The following POLK variants were observed in gnomAD, a reference collection of about 807,000 sequenced individuals.
POLK encodes the protein DNA polymerase kappa.
In POLK, 76 loss-of-function variants were observed where a neutral mutation model predicts 94.0. The observed-to-expected ratio is 0.81, with a 90% confidence interval of 0.67 to 0.98. POLK has a LOEUF of 0.98. Among genes scored for constraint, POLK ranks in the 50% least tolerant of loss-of-function variants. The probability of loss-of-function intolerance (pLI) is 0.00; values close to 1 mark genes in which losing one functional copy is unlikely to be tolerated. For synonymous variants in POLK, 349 were observed against 325.4 expected, an observed-to-expected ratio of 1.07 and a Z score of -0.78; for missense variants, 954 against 1,010.1, an observed-to-expected ratio of 0.94 and a Z score of 0.75.
chr5:75,574,798 A>G (rs1771782871), intron 5 of POLK, among the ~76,000 whole-genome samples: 1 of 152,182 alleles, frequency 6.6e-6, no homozygotes, highest in Admixed American at 6.6e-5. Flanking sequence ...GTGGTGGAGG[A>G]GAGGGGAGCA....
intron 3 of POLK, among the ~76,000 whole-genome samples, chr5:75,553,573 A>G (rs1270933519): frequency 6.6e-6 from 1 of 152,154 alleles, no homozygotes; most frequent in Non-Finnish European, 1.5e-5. Flanking sequence ...TTAATGCTTC[A>G]CAGCATTCCA....
At chr5:75,600,254 G>T (rs1773267444) in exon 15 of POLK, 3 of 152,064 alleles carry the variant, frequency 2.0e-5, no homozygotes, top group African/African-American at 7.2e-5. Context: ...TAATATTTGA[G>T]AAGTAAAAAA....
chr5:75,549,167 T>G (rs1561360343), intron 2 of POLK, among the ~76,000 whole-genome samples: 1 of 152,120 alleles, frequency 6.6e-6, no homozygotes, highest in Non-Finnish European at 1.5e-5. Context: ...ATCATAAAAA[T>G]GTTCAAAAAG....
intron 2 of POLK, among the ~76,000 whole-genome samples, chr5:75,550,180 A>G (rs1167749906): frequency 6.6e-6 from 1 of 152,242 alleles, no homozygotes; most frequent in African/African-American, 2.4e-5. Flanking sequence ...ATACATCATT[A>G]TGAATGCAAA....
At chr5:75,541,071 G>T (rs1010797443) in intron 1 of POLK, among the ~76,000 whole-genome samples, 20 of 152,198 alleles carry the variant, frequency 1.3e-4, no homozygotes, top group African/African-American at 4.8e-4. Flanking sequence ...ATTACCTGAG[G>T]TCAGGAGTTT....
At chr5:75,531,918 A>G (rs373815548) in intron 1 of POLK, among the ~76,000 whole-genome samples, 105 of 152,238 alleles carry the variant, frequency 6.9e-4, no homozygotes, top group African/African-American at 2.4e-3. Flanking sequence ...CTAGGGCAGT[A>G]TTCTTATTTG....
exon 15 of POLK, chr5:75,598,114 G>A (rs1773188523): frequency 3.8e-6 from 2 of 522,724 alleles, no homozygotes; most frequent in Middle Eastern, 5.3e-4. Context: ...GATTTATTTA[G>A]TGAAGGCAAG....
intron 1 of POLK, among the ~76,000 whole-genome samples, chr5:75,520,349 ATCC>A (rs1768514147): frequency 6.6e-6 from 1 of 152,206 alleles, no homozygotes; most frequent in Non-Finnish European, 1.5e-5. Context: ...GTATTAGAGC[ATCC>A]TGGGTTTATC....
At position 75,597,930 on chromosome 5, in the gene POLK, C is replaced by T; in HGVS notation, c.2529-4C>T. On this transcript the variant is annotated splice_region_variant and splice_polypyrimidine_tract_variant and intron_variant, in intron 14 of 14. Transcript: ENST00000241436. ...TTTTAATTGTGTGTTCCTTTTCATT[C>T]TAGGCCAGGATTGATGACAAAGTAC... The T allele has an allele frequency of 6.9e-7, 1 of 1,439,782 alleles. No individual in the cohort carries two copies. The highest frequency in any genetic ancestry group is 9.3e-7 in the Non-Finnish European group (1 of 1,070,404). The allele number at this position is 1,439,782 out of a possible 1,614,324, so 89.2% of individuals were successfully genotyped here. A position where few individuals can be genotyped will look rare whatever the true frequency, so the allele number is the denominator to read the frequency against.
At chr5:75,548,842 G>A (rs893319238) in intron 2 of POLK, among the ~76,000 whole-genome samples, 1 of 151,930 alleles carries the variant, frequency 6.6e-6, no homozygotes, top group African/African-American at 2.4e-5. Context: ...GGGTATATAG[G>A]TGTTCGTTGT....
chr5:75,556,854 G>A (rs1770648755), intron 3 of POLK, among the ~76,000 whole-genome samples: 1 of 152,068 alleles, frequency 6.6e-6, no homozygotes, highest in Non-Finnish European at 1.5e-5. Context: ...TTGAGCCCAG[G>A]GGTTCAGGAC....
downstream of POLK, among the ~76,000 whole-genome samples, chr5:75,602,927 T>C (rs2287711): frequency 0.22 from 33,855 of 152,146 alleles, 3,907 homozygotes; most frequent in South Asian, 0.4. Flanking sequence ...ATGGGACTTG[T>C]GGTATCCGCA....
chr5:75,529,745 A>G (rs535624412), intron 1 of POLK, among the ~76,000 whole-genome samples: 1 of 152,296 alleles, frequency 6.6e-6, no homozygotes, highest in African/African-American at 2.4e-5. Flanking sequence ...ATATATAAAC[A>G]TATCAAAATG....
exon 8 of POLK, chr5:75,583,367 C>A: frequency 2.5e-6 from 4 of 1,604,388 alleles, no homozygotes; most frequent in Non-Finnish European, 2.6e-6. Flanking sequence ...CCAAATTCTT[C>A]CCAATAGACA....
Position 75,587,022 on chromosome 5 carries a change from C to A in POLK, c.1227-4C>A. On this transcript the variant is annotated splice_polypyrimidine_tract_variant and splice_region_variant and intron_variant, in intron 9 of 14. Transcript: ENST00000241436. ...AAATAAAGACCTTTTTTTTTCATTT[C>A]AAGGGATGGAGAGAGGAAAAGTATG... 1 of 1,531,542 alleles carries A rather than the reference C, an allele frequency of 6.5e-7. No homozygotes were observed. The highest frequency in any genetic ancestry group is 8.8e-7 in the Non-Finnish European group (1 of 1,132,668). 94.9% of individuals were successfully genotyped at this position (1,531,542 alleles called of 1,614,324 possible).
At chr5:75,543,030 T>C (rs1769834745) in intron 1 of POLK, among the ~76,000 whole-genome samples, 1 of 144,950 alleles carries the variant, frequency 6.9e-6, no homozygotes, top group African/African-American at 2.6e-5. Context: ...TATTTATTTA[T>C]TTATTTATTT....
chr5:75,540,283 A>ATT (rs1394796650), intron 1 of POLK, among the ~76,000 whole-genome samples: 4 of 143,432 alleles, frequency 2.8e-5, no homozygotes. Context: ...TTCTGTTGTA[A>ATT]TTTTTTTTTT....
rs771842883 is a variant in POLK at position 75,529,613 on chromosome 5, TTGTC to T, written c.-13-17393_-13-17390del. Among the ~76,000 whole-genome samples, 35 of 152,226 alleles carry T rather than the reference TTGTC, an allele frequency of 2.3e-4. 1 individual carries two copies. In the South Asian group the frequency reaches 5.2e-3, roughly 23 times the overall value. On this transcript the variant is annotated intron_variant, in intron 1 of 14. Coordinates refer to ENST00000241436, the Ensembl canonical transcript of POLK. ...GTTTAGAGAATAATGAGAAGGAAAA[TTGTC>T]TGTACATGTTCAGTACAGATTTTTT... is the stretch of plus-strand genomic sequence containing the variant.
intron 3 of POLK, among the ~76,000 whole-genome samples, chr5:75,554,970 A>G (rs996520025): frequency 1.3e-5 from 2 of 152,294 alleles, no homozygotes; most frequent in African/African-American, 4.8e-5. Context: ...GAACAAACAC[A>G]AGCCTGTATA....
Sources: gnomAD v4.1 joint callset for allele counts (sites outside exome capture counted in the v4.1 genomes callset) on GRCh38, gnomAD v4.1.1 for gene constraint, MANE v1.5 for transcripts, NCBI Gene and HGNC (gene_info 2026-07-23, HGNC 2026-07-21) for gene names.